CATSPERT: variants seen among roughly 807,000 people sequenced by gnomAD.
CATSPERT encodes the protein cation channel sperm-associated targeting subunit tau.
chr2:201,553,951 T>G, the CATSPERT span: 2 of 152,204 alleles, frequency 1.3e-5, no homozygotes, highest in Non-Finnish European at 2.9e-5. Context: ...ATTCTTACTA[T>G]AGCTCTAATT....
chr2:201,564,115 A>G, the CATSPERT span, among the ~76,000 whole-genome samples: 1 of 152,312 alleles, frequency 6.6e-6, no homozygotes, highest in East Asian at 1.9e-4. Flanking sequence ...GACCTAAGTT[A>G]CCTCATGTGC....
the CATSPERT span, chr2:201,491,050 C>A: frequency 2.3e-6 from 2 of 857,002 alleles, no homozygotes; most frequent in Non-Finnish European, 1.7e-6. Context: ...AATTGGAGGT[C>A]TGTATGTCTT....
At chr2:201,497,243 A>G in the CATSPERT span, among the ~76,000 whole-genome samples, 1 of 152,126 alleles carries the variant, frequency 6.6e-6, no homozygotes, top group African/African-American at 2.4e-5. Flanking sequence ...CCAACTCTAT[A>G]TTGTCTCTGC....
the CATSPERT span, chr2:201,492,262 G>A: frequency 3.9e-6 from 6 of 1,523,646 alleles, no homozygotes; most frequent in Admixed American, 8.4e-5. Flanking sequence ...ATATTTTAAT[G>A]GTATAGAACT....
At chr2:201,608,838 C>G in the CATSPERT span, among the ~76,000 whole-genome samples, 164 of 135,118 alleles carry the variant, frequency 1.2e-3, no homozygotes, top group African/African-American at 4.2e-3. Flanking sequence ...AAGAAAGAAA[C>G]AAACAAAGAA....
the CATSPERT span, chr2:201,535,898 G>A: frequency 1.3e-6 from 2 of 1,533,324 alleles, no homozygotes; most frequent in South Asian, 1.2e-5. Context: ...TTAATCTGGT[G>A]GAAACTAAGC....
chr2:201,604,145 A>ATGTG, the CATSPERT span, among the ~76,000 whole-genome samples: 5,520 of 148,326 alleles, frequency 0.037, 332 homozygotes, highest in East Asian at 0.3. Context: ...GTGTGTGTGT[A>ATGTG]TGTGTGTGTG....
chr2:201,488,042 A>G, the CATSPERT span: 1 of 700,854 alleles, frequency 1.4e-6, no homozygotes, highest in Admixed American at 3.0e-5. Flanking sequence ...AGCAACAGTT[A>G]AAGACAAAGA....
At chr2:201,503,600 G>A in the CATSPERT span, among the ~76,000 whole-genome samples, 1 of 152,088 alleles carries the variant, frequency 6.6e-6, no homozygotes, top group Non-Finnish European at 1.5e-5. Flanking sequence ...GTCTTGCTTT[G>A]TTACCCAGGC....
the CATSPERT span, chr2:201,491,319 G>T: frequency 1.7e-4 from 260 of 1,537,808 alleles, no homozygotes; most frequent in Non-Finnish European, 2.0e-4. Context: ...TTTCTTTTCG[G>T]ACCTTGGGTT....
the CATSPERT span, among the ~76,000 whole-genome samples, chr2:201,514,315 T>C: frequency 6.6e-6 from 1 of 152,028 alleles, no homozygotes; most frequent in African/African-American, 2.4e-5. Context: ...AACCCAACAA[T>C]ATATGAAAAG....
At chr2:201,492,762 C>T in the CATSPERT span, 1 of 1,535,594 alleles carries the variant, frequency 6.5e-7, no homozygotes, top group Non-Finnish European at 8.7e-7. Flanking sequence ...AACTGTTTGG[C>T]CCTTTCTGCT....
At chr2:201,616,678 A>T in the CATSPERT span, among the ~76,000 whole-genome samples, 1 of 152,324 alleles carries the variant, frequency 6.6e-6, no homozygotes, top group African/African-American at 2.4e-5. Flanking sequence ...CACCACTCCT[A>T]TTCAACATGG....
At chr2:201,569,263 C>A in the CATSPERT span, among the ~76,000 whole-genome samples, 1 of 152,220 alleles carries the variant, frequency 6.6e-6, no homozygotes, top group African/African-American at 2.4e-5. Flanking sequence ...ATTGAGAGGC[C>A]ATGACTCTGT....
the CATSPERT span, among the ~76,000 whole-genome samples, chr2:201,515,421 GAC>G: frequency 6.6e-6 from 1 of 151,348 alleles, no homozygotes; most frequent in Non-Finnish European, 1.5e-5. Flanking sequence ...TTTTAGTAGA[GAC>G]ACAGTTTCCC....
chr2:201,564,962 A>T, the CATSPERT span, among the ~76,000 whole-genome samples: 1 of 152,212 alleles, frequency 6.6e-6, no homozygotes, highest in Non-Finnish European at 1.5e-5. Flanking sequence ...GAAATTCCAT[A>T]GTCGAGAAAT....
At chr2:201,581,591 T>TGC in the CATSPERT span, among the ~76,000 whole-genome samples, 1 of 45,320 alleles carries the variant, frequency 2.2e-5, no homozygotes, top group Admixed American at 2.8e-4. Flanking sequence ...TATATATATA[T>TGC]ATACACATAC....
the CATSPERT span, chr2:201,574,159 T>C: frequency 1.5e-6 from 2 of 1,342,866 alleles, no homozygotes; most frequent in Non-Finnish European, 1.0e-6. Flanking sequence ...AAGAGGACGA[T>C]TTGACTGAAG....
chr2:201,581,947 T>G, the CATSPERT span: 1 of 968,414 alleles, frequency 1.0e-6, no homozygotes, highest in Non-Finnish European at 1.5e-6. Context: ...AAAAAATATA[T>G]AGCCAAAAGG....
Sources: gnomAD v4.1 joint callset for allele counts (sites outside exome capture counted in the v4.1 genomes callset) on GRCh38, gnomAD v4.1.1 for gene constraint, MANE v1.5 for transcripts, NCBI Gene and HGNC (gene_info 2026-07-23, HGNC 2026-07-21) for gene names.